GSTM4: variants seen among roughly 807,000 people sequenced by gnomAD.
GSTM4 encodes the protein GST class-mu 4.
Under a neutral mutation model 30.1 loss-of-function variants are expected in GSTM4, and 27 were observed. The ratio of observed to expected loss-of-function variants is 0.90; its 90% CI spans 0.66 to 1.24. GSTM4 has a LOEUF of 1.24. GSTM4 is among the 50% of genes most tolerant of loss of function. The pLI, the probability that GSTM4 is intolerant of heterozygous loss-of-function variation, is 0.00. For missense variants in GSTM4, 238 were observed against 272.1 expected (o/e 0.87, Z 0.88); for synonymous variants, 94 against 96.2 (o/e 0.98, Z 0.13).
At position 109,659,017 on chromosome 1, in the gene GSTM4, C is replaced by G; in HGVS notation, c.474C>G (p.Phe158Leu). Residue 158 changes from phenylalanine to leucine, a missense_variant, in exon 7 of 8, where the codon TTC becomes TTG. Coordinates refer to ENST00000369836, the MANE Select transcript of GSTM4 (RefSeq NM_000850.5). ...TTCTGCAGATCACCTTTGTAGATTTCCTCGCCTATGATGTCCTTGACCTCC... is the reference window on the plus strand; with the variant it reads ...TTCTGCAGATCACCTTTGTAGATTTGCTCGCCTATGATGTCCTTGACCTCC... ...FVGDKITFVD[F>L]LAYDVLDLHR... 1 of 1,614,222 alleles carries G rather than the reference C, an allele frequency of 6.2e-7. No individual in the cohort carries two copies. The highest frequency in any genetic ancestry group is 2.2e-5 in the East Asian group (1 of 44,882).
downstream of GSTM4, among the ~76,000 whole-genome samples, chr1:109,667,147 C>G (rs558822671): frequency 6.6e-5 from 10 of 151,986 alleles, no homozygotes; most frequent in Middle Eastern, 3.4e-3. Context: ...GTTACCTCCA[C>G]TTGAAGACCA....
At chr1:109,660,062 T>A (rs1234193114) in intron 7 of GSTM4, 2 of 194,906 alleles carry the variant, frequency 1.0e-5, no homozygotes, top group Non-Finnish European at 2.1e-5. Flanking sequence ...AAATCCTACT[T>A]TTAGTACAGA....
chr1:109,658,000 G>A, intron 5 of GSTM4, 128 bp downstream of exon 5: 1 of 728,050 alleles, frequency 1.4e-6, no homozygotes, highest in Non-Finnish European at 2.3e-6. Flanking sequence ...CAGAGTGACT[G>A]TCATATCATT....
At chr1:109,657,376 T>A in intron 3 of GSTM4, 97 bp downstream of exon 3, 1 of 1,515,780 alleles carries the variant, frequency 6.6e-7, no homozygotes, top group Non-Finnish European at 9.2e-7. Context: ...TCAGGAGTCT[T>A]CTGCCCAATT....
In GSTM4 at chr1:109,657,805, A is replaced by C; in HGVS notation, c.293A>C (p.Asp98Ala). 6.2e-7 allele frequency: 1 copy of C among 1,614,140 alleles called. No homozygotes were observed. Among genetic ancestry groups the C allele is most frequent in the Non-Finnish European group, 8.5e-7 (1 of 1,180,024 alleles). Residue 98 changes from aspartate to alanine, a missense_variant, in exon 5 of 8, where the codon GAC (aspartate) becomes GCC (alanine). Coordinates refer to ENST00000369836, the MANE Select transcript of GSTM4 (RefSeq NM_000850.5). ...GETEEEKIRV[D>A]ILENQAMDVS... Reference sequence around the variant, plus strand: ...ACAGAAGAGGAGAAGATTCGTGTGGACATTTTGGAGAACCAGGCTATGGAC... The same window carrying C: ...ACAGAAGAGGAGAAGATTCGTGTGGCCATTTTGGAGAACCAGGCTATGGAC...
Position 109,661,480 on chromosome 1 carries a change from C to T in GSTM4, c.*226C>T. The T allele has an allele frequency of 7.2e-7, 1 of 1,395,138 alleles. No homozygotes were observed. The highest frequency in any genetic ancestry group is 9.4e-7 in the Non-Finnish European group (1 of 1,068,480). 86.4% of individuals were successfully genotyped at this position (1,395,138 alleles called of 1,614,324 possible). ...GCTACCCACTTTCCTTCATGAACAT[C>T]CCCCTCCCAACACTACCCTTCCCTG... is the stretch of plus-strand genomic sequence containing the variant. On this transcript the variant is annotated 3_prime_UTR_variant, in exon 8 of 8. Coordinates refer to ENST00000369836, the MANE Select transcript of GSTM4 (RefSeq NM_000850.5).
In GSTM4 at chr1:109,657,888, G is replaced by C. The variant is rs371886082; in HGVS notation, c.360+16G>C. The C allele has an allele frequency of 4.4e-6, 7 of 1,608,082 alleles. No individual in the cohort carries two copies. Among genetic ancestry groups the C allele is most frequent in the Non-Finnish European group, 6.0e-6 (7 of 1,174,506 alleles). On this transcript the variant is annotated intron_variant, in intron 5 of 7. Coordinates refer to ENST00000369836, the MANE Select transcript of GSTM4 (RefSeq NM_000850.5). ...CCCTGACTTTGTGAGTCCCTCCCTG[G>C]TCTGGACCAGAAGCCAGGCTTGTAT...
At position 109,657,753 on chromosome 1, in the gene GSTM4, T is replaced by C; in HGVS notation, c.260-19T>C. 6.2e-7 allele frequency: 1 copy of C among 1,614,038 alleles called. No homozygotes were observed. Among genetic ancestry groups the C allele is most frequent in the Non-Finnish European group, 8.5e-7 (1 of 1,179,882 alleles). Reference sequence around the variant, plus strand: ...TGGGGTGCTATGCTCAGAGTGAGTCTGTGTTTTGTGGGTGGCAGGTGGGGA... The same window carrying C: ...TGGGGTGCTATGCTCAGAGTGAGTCCGTGTTTTGTGGGTGGCAGGTGGGGA... On this transcript the variant is annotated intron_variant, in intron 4 of 7. Transcript: ENST00000369836.
intron 7 of GSTM4, chr1:109,659,427 G>A: frequency 7.4e-7 from 1 of 1,356,614 alleles, no homozygotes; most frequent in Non-Finnish European, 9.7e-7. Flanking sequence ...ATGGGTGGCA[G>A]TCAGGGCTCT....
chr1:109,666,972 C>A (rs375760547), downstream of GSTM4, among the ~76,000 whole-genome samples: 2 of 152,218 alleles, frequency 1.3e-5, no homozygotes, highest in East Asian at 3.9e-4. Flanking sequence ...CTCAGCAGTA[C>A]TGTCATTTTG....
downstream of GSTM4, among the ~76,000 whole-genome samples, chr1:109,661,904 T>C (rs1443558960): frequency 1.3e-5 from 2 of 152,128 alleles, no homozygotes; most frequent in Non-Finnish European, 2.9e-5. Flanking sequence ...CATCGTAGCT[T>C]ACTGCAACAT....
chr1:109,657,348 A>G, intron 3 of GSTM4, 69 bp downstream of exon 3: 1 of 1,588,588 alleles, frequency 6.3e-7, no homozygotes, highest in South Asian at 1.1e-5. Context: ...TCCTCTCCCC[A>G]GATTAGAGGT....
At chr1:109,662,754 A>G (rs767932553), downstream of GSTM4, among the ~76,000 whole-genome samples, 4 of 152,216 alleles carry the variant, frequency 2.6e-5, no homozygotes, top group Admixed American at 6.5e-5. Flanking sequence ...ATTGCTGGTG[A>G]TTTATGCAGT....
chr1:109,656,236 G>C lies in GSTM4; in HGVS notation c.-154G>C, dbSNP rs1651970658. The C allele has an allele frequency of 1.3e-6, 1 of 773,326 alleles. No individual in the cohort carries two copies. 47.9% of individuals were successfully genotyped at this position (773,326 alleles called of 1,614,324 possible). ...GAAGTGACGACCTTGAAGATCGGCCGGTTGGAAGTGACGACCTTGAAGATC... is the reference window on the plus strand; with the variant it reads ...GAAGTGACGACCTTGAAGATCGGCCCGTTGGAAGTGACGACCTTGAAGATC... On this transcript the variant is annotated 5_prime_UTR_variant, in exon 1 of 8. Coordinates refer to ENST00000369836, the MANE Select transcript of GSTM4 (RefSeq NM_000850.5).
rs138088784 is a variant in GSTM4 at position 109,656,728 on chromosome 1, G to A, written c.53G>A (p.Arg18His). Residue 18 changes from arginine (R) to histidine (H), a missense_variant, in exon 2 of 8, where the codon CGC becomes CAC. Arg to His is a conservative substitution (Grantham distance 29). Transcript: ENST00000369836. Reference sequence around the variant, plus strand: ...CTCTTCCAGCTGGCCCACGCCATCCGCCTGCTCCTGGAATACACAGACTCA... The same window carrying A: ...CTCTTCCAGCTGGCCCACGCCATCCACCTGCTCCTGGAATACACAGACTCA... ...WDIRGLAHAI[R>H]LLLEYTDSSY... 4 of 1,613,840 alleles carry A rather than the reference G, an allele frequency of 2.5e-6. No homozygotes were observed. The highest frequency in any genetic ancestry group is 3.3e-5 in the Admixed American group (2 of 59,992).
At chr1:109,659,210 T>G (rs1318217630) in intron 7 of GSTM4, 100 bp downstream of exon 7, 4 of 1,614,032 alleles carry the variant, frequency 2.5e-6, no homozygotes, top group African/African-American at 2.7e-5. Context: ...TAACTTGCAT[T>G]TATTGAGTGC....
At position 109,657,765 on chromosome 1, in the gene GSTM4, G is replaced by C. The variant is rs200929221; in HGVS notation, c.260-7G>C. ...CTCAGAGTGAGTCTGTGTTTTGTGG[G>C]TGGCAGGTGGGGAGACAGAAGAGGA... On this transcript the variant is annotated splice_polypyrimidine_tract_variant and splice_region_variant and intron_variant, in intron 4 of 7. Coordinates refer to ENST00000369836, the MANE Select transcript of GSTM4 (RefSeq NM_000850.5). 7 of 1,614,166 alleles carry C rather than the reference G, an allele frequency of 4.3e-6. No homozygotes were observed. The highest frequency in any genetic ancestry group is 1.3e-5 in the African/African-American group (1 of 75,054).
At chr1:109,665,336 C>G (rs1317408130), downstream of GSTM4, 5 of 462,254 alleles carry the variant, frequency 1.1e-5, no homozygotes, top group East Asian at 1.1e-4. Context: ...CTCCCACCCC[C>G]ACCTTTGTTC....
chr1:109,659,029 T>A lies in GSTM4; in HGVS notation c.486T>A (p.Asp162Glu). The A allele has an allele frequency of 6.2e-7, 1 of 1,614,248 alleles. No individual in the cohort carries two copies. Among genetic ancestry groups the A allele is most frequent in the Non-Finnish European group, 8.5e-7 (1 of 1,180,044 alleles). Residue 162 changes from aspartate to glutamate, a missense_variant, in exon 7 of 8, where the codon GAT becomes GAA. Coordinates refer to ENST00000369836, the MANE Select transcript of GSTM4 (RefSeq NM_000850.5). ...CCTTTGTAGATTTCCTCGCCTATGA[T>A]GTCCTTGACCTCCACCGTATATTTG... Reference protein sequence around the residue: ...KITFVDFLAYDVLDLHRIFEP... With the variant: ...KITFVDFLAYEVLDLHRIFEP...
Sources: gnomAD v4.1 joint callset for allele counts (sites outside exome capture counted in the v4.1 genomes callset) on GRCh38, gnomAD v4.1.1 for gene constraint, MANE v1.5 for transcripts, NCBI Gene and HGNC (gene_info 2026-07-23, HGNC 2026-07-21) for gene names.